IGF2BP2: variants seen among roughly 807,000 people sequenced by gnomAD.
IGF2BP2 encodes insulin-like growth factor 2 mRNA-binding protein 2.
A neutral mutation model predicts 75.8 loss-of-function variants in IGF2BP2; 17 were observed. That is an observed-to-expected ratio of 0.22 (90% CI 0.15 to 0.34). The LOEUF (loss-of-function observed/expected upper bound fraction) is 0.34. Ranked by LOEUF, IGF2BP2 falls within the 10% of genes least tolerant of loss-of-function variation. IGF2BP2 has a pLI of 1.00. For missense variants in IGF2BP2, 516 were observed against 772.4 expected (o/e 0.67, Z 3.93); for synonymous variants, 288 against 295.6 (o/e 0.97, Z 0.26).
intron 2 of IGF2BP2, among the ~76,000 whole-genome samples, chr3:185,732,002 C>T (rs1038908897): frequency 8.5e-5 from 13 of 152,062 alleles, no homozygotes; most frequent in South Asian, 2.1e-4. Context: ...AAGATCATTC[C>T]GGACTTCTTG....
chr3:185,736,418 A>G (rs1378169058), intron 2 of IGF2BP2, among the ~76,000 whole-genome samples: 4 of 152,230 alleles, frequency 2.6e-5, no homozygotes, highest in Non-Finnish European at 4.4e-5. Context: ...CCACATCTCA[A>G]TCCAAGGTGA....
intron 7 of IGF2BP2, among the ~76,000 whole-genome samples, chr3:185,677,066 T>TAGAGAGAGAG (rs1185215668): frequency 5.5e-4 from 21 of 38,374 alleles, no homozygotes; most frequent in African/African-American, 1.9e-3. Flanking sequence ...TATATATATA[T>TAGAGAGAGAG]ATAGAGAGAG....
At chr3:185,682,972 T>C (rs960455648) in intron 7 of IGF2BP2, among the ~76,000 whole-genome samples, 4 of 152,186 alleles carry the variant, frequency 2.6e-5, no homozygotes, top group African/African-American at 9.7e-5. Context: ...AAAGAGGGTC[T>C]TGAAGAGCTA....
chr3:185,751,947 G>A (rs980968388), intron 2 of IGF2BP2, among the ~76,000 whole-genome samples: 1 of 152,074 alleles, frequency 6.6e-6, no homozygotes, highest in African/African-American at 2.4e-5. Flanking sequence ...TGGGCAACGA[G>A]GGAGACTCTG....
rs920927130 is a variant in IGF2BP2 at position 185,705,727 on chromosome 3, T to TG, written c.240-7381dup. On this transcript the variant is annotated intron_variant, in intron 2 of 15. Transcript: ENST00000382199. Reference sequence around the variant, plus strand: ...GCAGATTTGCTGTCTGCTGAGGGTCTGTTCCTCATAGAAGGCACTGTCTAG... The same window carrying TG: ...GCAGATTTGCTGTCTGCTGAGGGTCTGGTTCCTCATAGAAGGCACTGTCTAG... Among the ~76,000 whole-genome samples, 8 of 152,334 alleles carry TG rather than the reference T, an allele frequency of 5.3e-5. No individual in the cohort carries two copies. The South Asian group carries it at 1.2e-3, about 24-fold the overall frequency.
At chr3:185,665,409 AAAGGAGGAGAAGGAG>A (rs1717282453) in intron 10 of IGF2BP2, among the ~76,000 whole-genome samples, 1 of 24,820 alleles carries the variant, frequency 4.0e-5, no homozygotes, top group African/African-American at 1.8e-4. Flanking sequence ...AGGAGAAGGA[AAAGGAGGAGAAGGAG>A]AAGGAGGAGG....
chr3:185,667,453 C>T (rs189698169), intron 10 of IGF2BP2, among the ~76,000 whole-genome samples: 1 of 152,242 alleles, frequency 6.6e-6, no homozygotes, highest in African/African-American at 2.4e-5. Flanking sequence ...AGCTACTGCA[C>T]TCCAGCCTGG....
Position 185,643,799 on chromosome 3 carries a change from T to TTG in IGF2BP2, c.*1731_*1732insCA, listed in dbSNP as rs1023161873. 6.8e-6 allele frequency: 1 copy of TTG among 147,592 alleles called. No homozygotes were observed. Among genetic ancestry groups the TTG allele is most frequent in the Non-Finnish European group, 1.5e-5 (1 of 67,162 alleles). 9.1% of individuals were successfully genotyped at this position (147,592 alleles called of 1,614,324 possible). A position where few individuals can be genotyped will look rare whatever the true frequency, so the allele number is the denominator to read the frequency against. ...TTTTTCTTTTTTTTTTTTTTTTTTT[T>TTG]GTCACAGAACACTGTTTGCAGTAGA... On this transcript the variant is annotated 3_prime_UTR_variant, in exon 16 of 16. Transcript: ENST00000382199.
intron 2 of IGF2BP2, among the ~76,000 whole-genome samples, chr3:185,798,116 G>A (rs776917779): frequency 9.9e-5 from 15 of 151,980 alleles, no homozygotes; most frequent in Non-Finnish European, 2.2e-4. Flanking sequence ...CAAGAGAATC[G>A]CTTGAACCCA....
In IGF2BP2 at chr3:185,807,918, T is replaced by C. The variant is rs558816971; in HGVS notation, c.239+15235A>G. On this transcript the variant is annotated intron_variant, in intron 2 of 15. Coordinates refer to ENST00000382199, the MANE Select transcript of IGF2BP2 (RefSeq NM_006548.6). ...CTGCCATCTCCTGAAAGATGATGAG[T>C]CAGAACAATCCAGCTAAAGTGCTGA... Among the ~76,000 whole-genome samples the C allele has an allele frequency of 1.6e-4, 25 of 151,584 alleles. No individual in the cohort carries two copies. The South Asian group carries it at 5.2e-3, about 32-fold the overall frequency.
chr3:185,660,757 C>T lies in IGF2BP2; in HGVS notation c.1201-2348G>A, dbSNP rs554909961. ...AGAGCTTTCTCTGCAGGTCCGTGTC[C>T]TGGGCCATGAAGAGCTGGGGGAGAA... On this transcript the variant is annotated intron_variant, in intron 10 of 15. Transcript: ENST00000382199. Among the ~76,000 whole-genome samples, 454 of 152,312 alleles carry T rather than the reference C, an allele frequency of 3.0e-3. 2 individuals carry two copies. The highest frequency in any genetic ancestry group is 0.01 in the African/African-American group (428 of 41,562).
At chr3:185,765,005 T>A (rs1560433817) in intron 2 of IGF2BP2, among the ~76,000 whole-genome samples, 1 of 152,204 alleles carries the variant, frequency 6.6e-6, no homozygotes, top group Non-Finnish European at 1.5e-5. Context: ...TTCTTCCCCC[T>A]TCTTCCCTTT....
intron 10 of IGF2BP2, among the ~76,000 whole-genome samples, chr3:185,669,605 A>G (rs1718211420): frequency 6.6e-6 from 1 of 151,372 alleles, no homozygotes; most frequent in Admixed American, 6.6e-5. Context: ...CTACACACAC[A>G]TATGCATTAA....
At chr3:185,824,338 G>T (rs1336587564) in intron 1 of IGF2BP2, among the ~76,000 whole-genome samples, 1 of 151,442 alleles carries the variant, frequency 6.6e-6, no homozygotes, top group Non-Finnish European at 1.5e-5. Flanking sequence ...GAAGAGAGAA[G>T]GTCCGGCCGG....
At chr3:185,765,264 G>A (rs1341728952) in intron 2 of IGF2BP2, among the ~76,000 whole-genome samples, 2 of 152,102 alleles carry the variant, frequency 1.3e-5, no homozygotes, top group African/African-American at 4.8e-5. Flanking sequence ...ATTTAGTAAA[G>A]CCCAAATAAA....
chr3:185,819,582 C>CT (rs71642560), intron 2 of IGF2BP2, among the ~76,000 whole-genome samples: 18 of 149,958 alleles, frequency 1.2e-4, no homozygotes, highest in Admixed American at 2.0e-4. Flanking sequence ...AAATTACTAA[C>CT]TTTTTTTTTT....
intron 2 of IGF2BP2, among the ~76,000 whole-genome samples, chr3:185,811,830 G>GTCTCTGTC (rs1739882695): frequency 8.3e-6 from 1 of 120,694 alleles, no homozygotes; most frequent in African/African-American, 3.0e-5. Flanking sequence ...AGAGTAGGGT[G>GTCTCTGTC]TCTCTCTCTC....
At chr3:185,710,828 A>G (rs1404617299) in intron 2 of IGF2BP2, among the ~76,000 whole-genome samples, 2 of 152,154 alleles carry the variant, frequency 1.3e-5, no homozygotes. Context: ...ACGCTATAGG[A>G]AAAGTTATTT....
intron 2 of IGF2BP2, among the ~76,000 whole-genome samples, chr3:185,750,584 G>A (rs1730833542): frequency 6.6e-6 from 1 of 151,976 alleles, no homozygotes; most frequent in African/African-American, 2.4e-5. Context: ...TAGATCACTT[G>A]TAATCCAGGA....
Sources: allele counts gnomAD v4.1 joint callset (sites outside exome capture counted in the v4.1 genomes callset), GRCh38; gene constraint gnomAD v4.1.1; transcripts MANE v1.5; gene names NCBI Gene and HGNC (gene_info 2026-07-23, HGNC 2026-07-21).